Variants in SPP2 observed in about 807,000 individuals in gnomAD.
SPP2 encodes secreted phosphoprotein 24.
A neutral mutation model predicts 28.8 loss-of-function variants in SPP2; 34 were observed. The observed-to-expected ratio is 1.18, with a 90% CI of 0.90 to 1.57. SPP2 has a LOEUF of 1.57. Ranked by LOEUF, SPP2 falls within the 40% of genes most tolerant of loss-of-function variation. The pLI is 0.00. For missense variants in SPP2, 269 were observed against 263.9 expected (o/e 1.02, Z -0.13); for synonymous variants, 96 against 89.4 (o/e 1.07, Z -0.42).
chr2:234,061,532 C>G lies in SPP2; in HGVS notation c.444+1053C>G, dbSNP rs1322932231. Among the ~76,000 whole-genome samples the G allele has an allele frequency of 1.1e-4, 16 of 151,932 alleles. No homozygotes were observed. In the East Asian group the frequency reaches 3.1e-3, roughly 29 times the overall value. ...ATGATTCTAACATAATCTTTCTTTC[C>G]TTTTTATATTTTTGTTCAGTTTTTC... On this transcript the variant is annotated intron_variant, in intron 4 of 7. Coordinates refer to ENST00000168148, the MANE Select transcript of SPP2 (RefSeq NM_006944.3).
chr2:234,053,103 A>G (rs1693532261), intron 2 of SPP2, among the ~76,000 whole-genome samples: 1 of 152,194 alleles, frequency 6.6e-6, no homozygotes, highest in Non-Finnish European at 1.5e-5. Flanking sequence ...AACCTCCCTA[A>G]TAGAAGAAAA....
chr2:234,054,735 C>A (rs1411883921), intron 2 of SPP2, among the ~76,000 whole-genome samples: 2 of 152,268 alleles, frequency 1.3e-5, no homozygotes, highest in African/African-American at 2.4e-5. Flanking sequence ...GGCAGGGGGA[C>A]AAACAGTCCA....
intron 4 of SPP2, among the ~76,000 whole-genome samples, chr2:234,062,602 G>A (rs936988074): frequency 1.3e-5 from 2 of 152,154 alleles, no homozygotes; most frequent in African/African-American, 4.8e-5. Flanking sequence ...AGAATCAGAT[G>A]ACGAATAGAT....
At chr2:234,051,592 T>G (rs993538986) in intron 2 of SPP2, among the ~76,000 whole-genome samples, 2 of 152,240 alleles carry the variant, frequency 1.3e-5, no homozygotes, top group Non-Finnish European at 2.9e-5. Flanking sequence ...TGACTAAGTC[T>G]GTGATATGCA....
intron 3 of SPP2, among the ~76,000 whole-genome samples, chr2:234,059,295 G>T (rs1003467878): frequency 1.3e-5 from 2 of 152,176 alleles, no homozygotes; most frequent in African/African-American, 4.8e-5. Flanking sequence ...AAAGGATTAT[G>T]AAACACTGAC....
In SPP2 at chr2:234,060,438, A is replaced by T. The variant is rs150395122; in HGVS notation, c.403A>T (p.Ser135Cys). 1.2e-4 allele frequency: 197 copies of T among 1,613,602 alleles called. No individual in the cohort carries two copies. Among genetic ancestry groups the T allele is most frequent in the Non-Finnish European group, 1.6e-4 (192 of 1,179,894 alleles). ...QQVQGVHARCSWSSSTSESYS... is the reference protein window; with the variant it reads ...QQVQGVHARCCWSSSTSESYS... Reference sequence around the variant, plus strand: ...GGTGCAGGGCGTGCATGCTCGCTGCAGCTGGTCCTCCTCCACGTCTGAGTC... The same window carrying T: ...GGTGCAGGGCGTGCATGCTCGCTGCTGCTGGTCCTCCTCCACGTCTGAGTC... Residue 135 changes from serine (S) to cysteine (C), a missense_variant, in exon 4 of 8, where the codon AGC (serine) becomes TGC (cysteine). Ser to Cys is a moderately radical substitution (Grantham distance 112, BLOSUM62 -1). Coordinates refer to ENST00000168148, the MANE Select transcript of SPP2 (RefSeq NM_006944.3).
rs1359428002 is a variant in SPP2, at chr2:234,051,224, C to T, written c.210+129C>T. 12 of 1,250,526 alleles carry T rather than the reference C, an allele frequency of 9.6e-6. 1 individual carries two copies. Among genetic ancestry groups the T allele is most frequent in the South Asian group, 7.8e-5 (5 of 63,718 alleles). The allele number at this position is 1,250,526 out of a possible 1,614,324, so 77.5% of individuals were successfully genotyped here. On this transcript the variant is annotated intron_variant, in intron 2 of 7. Transcript: ENST00000168148. ...ATAGTAGCTAGTCATCTCTTTCATA[C>T]TGTCTCTTTTCTTTGACAGAGAAAG...
At position 234,068,883 on chromosome 2, in the gene SPP2, C is replaced by G. The variant is rs76160230; in HGVS notation, c.551-1045C>G. Among the ~76,000 whole-genome samples the G allele has an allele frequency of 3.5e-3, 539 of 152,154 alleles. 5 individuals carry two copies. Among genetic ancestry groups the G allele is most frequent in the African/African-American group, 0.013 (521 of 41,486 alleles). ...ACCCCAAAATGTGGCAGCTTAAAAC[C>G]ACACACATTTATTATCTCACAGTTT... On this transcript the variant is annotated intron_variant, in intron 6 of 7. Coordinates refer to ENST00000168148, the MANE Select transcript of SPP2 (RefSeq NM_006944.3).
chr2:234,052,441 A>G (rs1352505382), intron 2 of SPP2, among the ~76,000 whole-genome samples: 2 of 152,222 alleles, frequency 1.3e-5, no homozygotes, highest in African/African-American at 4.8e-5. Context: ...GCAGTTTATT[A>G]GATGAATAAG....
intron 7 of SPP2, among the ~76,000 whole-genome samples, chr2:234,070,744 G>C (rs796325092): frequency 6.6e-6 from 1 of 152,144 alleles, no homozygotes; most frequent in South Asian, 2.1e-4. Flanking sequence ...TTACAGGTGT[G>C]AGCCACCACG....
Position 234,070,059 on chromosome 2 carries a change from A to G in SPP2, c.*10+36A>G, listed in dbSNP as rs752822851. Reference sequence around the variant, plus strand: ...GCAGGTGCACACAAGTGTATTTAGAAATAGAAGCTACGTGGAGTGAACGCC... The same window carrying G: ...GCAGGTGCACACAAGTGTATTTAGAGATAGAAGCTACGTGGAGTGAACGCC... On this transcript the variant is annotated intron_variant, in intron 7 of 7. Transcript: ENST00000168148. 7.1e-6 allele frequency: 11 copies of G among 1,551,222 alleles called. No individual in the cohort carries two copies. In the South Asian group the frequency reaches 1.2e-4, roughly 17 times the overall value.
At position 234,067,255 on chromosome 2, in the gene SPP2, A is replaced by C; in HGVS notation, c.531A>C (p.Gln177His). ...GLISDESISEQFYDRSLGIMR... is the reference protein window; with the variant it reads ...GLISDESISEHFYDRSLGIMR... ...TTTCAGACGAGTCCATAAGTGAACAATTTTATGATCGGTCACTTGGTAAGT... is the reference window on the plus strand; with the variant it reads ...TTTCAGACGAGTCCATAAGTGAACACTTTTATGATCGGTCACTTGGTAAGT... Residue 177 changes from glutamine to histidine, a missense_variant, in exon 6 of 8, where the codon CAA becomes CAC. Transcript: ENST00000168148. The C allele has an allele frequency of 6.2e-7, 1 of 1,613,904 alleles. No individual in the cohort carries two copies. The highest frequency in any genetic ancestry group is 2.2e-5 in the East Asian group (1 of 44,862).
intron 6 of SPP2, 64 bp downstream of exon 6, chr2:234,067,338 A>G (rs1433627189): frequency 2.1e-6 from 3 of 1,411,014 alleles, no homozygotes; most frequent in Non-Finnish European, 3.0e-6. Context: ...CTCCTGAGAA[A>G]TCCTATTTCA....
intron 4 of SPP2, among the ~76,000 whole-genome samples, chr2:234,061,754 T>C (rs1693723271): frequency 6.6e-6 from 1 of 152,194 alleles, no homozygotes; most frequent in Non-Finnish European, 1.5e-5. Context: ...GCCTTATTGG[T>C]ACAAAGAGAA....
At chr2:234,061,895 A>G (rs1441009721) in intron 4 of SPP2, among the ~76,000 whole-genome samples, 2 of 152,198 alleles carry the variant, frequency 1.3e-5, no homozygotes, top group African/African-American at 4.8e-5. Context: ...CTGGAGCCAT[A>G]GTTGAAGAAT....
At chr2:234,063,939 T>A (rs929496502) in intron 4 of SPP2, among the ~76,000 whole-genome samples, 5 of 152,166 alleles carry the variant, frequency 3.3e-5, no homozygotes, top group Admixed American at 6.5e-5. Flanking sequence ...TTACTGCCTT[T>A]CATTTCAAAA....
Position 234,058,857 on chromosome 2 carries a change from A to G in SPP2, c.232A>G (p.Asn78Asp), listed in dbSNP as rs1300520957. ...GAAGGTTGAGGTCCTAGATGAGAAC[A>G]ACTTGGTCATGAATTTAGAGTTCAG... ...LKRVEVLDENNLVMNLEFSIR... is the reference protein window; with the variant it reads ...LKRVEVLDENDLVMNLEFSIR... Residue 78 changes from asparagine to aspartate, a missense_variant, in exon 3 of 8, where the codon AAC (asparagine) becomes GAC (aspartate). Coordinates refer to ENST00000168148, the MANE Select transcript of SPP2 (RefSeq NM_006944.3). 6.2e-7 allele frequency: 1 copy of G among 1,613,946 alleles called. No homozygotes were observed. Among genetic ancestry groups the G allele is most frequent in the African/African-American group, 1.3e-5 (1 of 74,914 alleles).
At chr2:234,058,707 T>C (rs1241989420) in intron 2 of SPP2, 129 bp from the exon 3 acceptor site, 1 of 1,100,100 alleles carries the variant, frequency 9.1e-7, no homozygotes, top group Non-Finnish European at 1.3e-6. Flanking sequence ...AGGTGATTGC[T>C]AAGATAATTT....
chr2:234,053,138 A>G (rs1478231196), intron 2 of SPP2, among the ~76,000 whole-genome samples: 2 of 151,070 alleles, frequency 1.3e-5, no homozygotes, highest in Admixed American at 6.6e-5. Flanking sequence ...TAGCAATGTG[A>G]AAAAGAAGAA....
Sources: allele counts gnomAD v4.1 joint callset (sites outside exome capture counted in the v4.1 genomes callset), GRCh38; gene constraint gnomAD v4.1.1; transcripts MANE v1.5; gene names NCBI Gene and HGNC (gene_info 2026-07-23, HGNC 2026-07-21).